The following DEPTOR variants were observed in gnomAD, a reference collection of about 807,000 sequenced individuals.
DEPTOR encodes DEP domain containing MTOR interacting protein, also known as DEP domain-containing mTOR-interacting protein.
DEPTOR carries 41 observed loss-of-function variants against 41.6 expected under a neutral mutation model. The observed-to-expected ratio is 0.98, with a 90% CI of 0.77 to 1.28. DEPTOR has a LOEUF of 1.28. Among genes scored for constraint, DEPTOR ranks in the 50% most tolerant of loss-of-function variants. The pLI, the probability that DEPTOR is intolerant of heterozygous loss-of-function variation, is 0.00. For missense variants in DEPTOR, 514 were observed against 527.9 expected (o/e 0.97, Z 0.26); for synonymous variants, 195 against 192.3 (o/e 1.01, Z -0.12).
In DEPTOR at chr8:120,002,982, C is replaced by A; in HGVS notation, c.796C>A (p.Pro266Thr). The A allele has an allele frequency of 6.4e-7, 1 of 1,564,832 alleles. No homozygotes were observed. Among genetic ancestry groups the A allele is most frequent in the Non-Finnish European group, 8.7e-7 (1 of 1,155,246 alleles). ...RKSTSFMSVS[P>T]SKEIKIVSAV... ...GTGTTCTCTGGCCTACACAGTGAGC[C>A]CCAGCAAGGAGATCAAGATCGTGTC... The change falls in exon 6 of 9, where the codon CCC (proline) becomes ACC (threonine). Residue 266 changes from proline (P) to threonine (T), a missense_variant. Coordinates refer to ENST00000286234, the MANE Select transcript of DEPTOR (RefSeq NM_022783.4).
At chr8:120,023,815 C>CTTTTTTTTTTGTTT (rs1812758860) in intron 8 of DEPTOR, among the ~76,000 whole-genome samples, 1 of 128,908 alleles carries the variant, frequency 7.8e-6, no homozygotes, top group African/African-American at 2.8e-5. Context: ...TTTTTTTTTA[C>CTTTTTTTTTTGTTT]TTTGCTTGGC....
chr8:119,976,858 G>A (rs986808151), intron 4 of DEPTOR, among the ~76,000 whole-genome samples: 27 of 151,990 alleles, frequency 1.8e-4, no homozygotes, highest in African/African-American at 5.6e-4. Flanking sequence ...CCCTCCCCCC[G>A]CACACCCTGC....
intron 1 of DEPTOR, among the ~76,000 whole-genome samples, chr8:119,919,634 C>T (rs1827865100): frequency 6.6e-6 from 1 of 152,132 alleles, no homozygotes; most frequent in Non-Finnish European, 1.5e-5. Flanking sequence ...TCCCCAAGGA[C>T]AGATATTGGC....
chr8:119,939,284 C>T (rs1163455528), intron 3 of DEPTOR, among the ~76,000 whole-genome samples: 2 of 152,180 alleles, frequency 1.3e-5, no homozygotes, highest in Non-Finnish European at 2.9e-5. Flanking sequence ...CAAGCTTGGT[C>T]TGCCGGGGAA....
At chr8:119,991,086 C>CTTTT (rs3029216) in intron 4 of DEPTOR, among the ~76,000 whole-genome samples, 1 of 107,472 alleles carries the variant, frequency 9.3e-6, no homozygotes, top group African/African-American at 3.7e-5. Flanking sequence ...TTCTTTCTTT[C>CTTTT]TTTTTCTTTC....
intron 4 of DEPTOR, among the ~76,000 whole-genome samples, chr8:119,970,769 G>T (rs1333285544): frequency 6.6e-6 from 1 of 152,130 alleles, no homozygotes; most frequent in Non-Finnish European, 1.5e-5. Context: ...AAGAGAAAAG[G>T]GCACATCGGG....
intron 3 of DEPTOR, among the ~76,000 whole-genome samples, chr8:119,935,618 G>A (rs755795883): frequency 1.4e-4 from 21 of 151,976 alleles, no homozygotes; most frequent in Non-Finnish European, 2.4e-4. Flanking sequence ...CTACTCAGGA[G>A]GCTGAGACAG....
At position 120,050,041 on chromosome 8, in the gene DEPTOR, T is replaced by C. The variant is rs191961721; in HGVS notation, c.*337T>C. On this transcript the variant is annotated 3_prime_UTR_variant, in exon 9 of 9. Transcript: ENST00000286234. ...TGCTTCTCTAGCCCAAACAGCGACA[T>C]GCTAAAGTCCCCTTCTTCAGAGTCA... 1,933 of 173,922 alleles carry C rather than the reference T, an allele frequency of 0.011. 28 individuals are homozygous for C. Among genetic ancestry groups the C allele is most frequent in the Non-Finnish European group, 0.015 (1,199 of 81,848 alleles). 10.8% of individuals were successfully genotyped at this position (173,922 alleles called of 1,614,324 possible). A position where few individuals can be genotyped will look rare whatever the true frequency, so the allele number is the denominator to read the frequency against.
In DEPTOR at chr8:119,965,398, A is replaced by G. The variant is rs763187149; in HGVS notation, c.592A>G (p.Ile198Val). 1 of 1,613,626 alleles carries G rather than the reference A, an allele frequency of 6.2e-7. No homozygotes were observed. Among genetic ancestry groups the G allele is most frequent in the Non-Finnish European group, 8.5e-7 (1 of 1,179,926 alleles). The change falls in exon 4 of 9, where the codon ATC becomes GTC. Residue 198 changes from isoleucine (I) to valine (V), a missense_variant. Transcript: ENST00000286234. ...QLCHRLMEHGIIQHVSNKHPF... is the reference protein window; with the variant it reads ...QLCHRLMEHGVIQHVSNKHPF... The stretch of plus-strand genomic sequence containing the variant: ...TTGCCACCGGCTTATGGAGCATGGC[A>G]TCATCCAGCATGGTGAGCGTATTGG...
intron 3 of DEPTOR, among the ~76,000 whole-genome samples, chr8:119,934,523 C>T (rs986096774): frequency 6.6e-6 from 1 of 152,166 alleles, no homozygotes; most frequent in Non-Finnish European, 1.5e-5. Flanking sequence ...AGCAGGCTGA[C>T]TAAATCTCTG....
intron 4 of DEPTOR, among the ~76,000 whole-genome samples, chr8:119,991,096 C>CTTTTTT (rs1362779700): frequency 2.5e-5 from 2 of 80,928 alleles, no homozygotes; most frequent in African/African-American, 4.9e-5. Context: ...CTTTTTCTTT[C>CTTTTTT]TTTCTTTCTT....
rs534913872 is a variant in DEPTOR, at chr8:119,915,322, T to G, written c.123-13078T>G. ...ATTTGATCTTTCTATATATTTTGTC[T>G]TTGTCTAAAATTGTCCCTGAGACTG... On this transcript the variant is annotated intron_variant, in intron 1 of 8. Coordinates refer to ENST00000286234, the MANE Select transcript of DEPTOR (RefSeq NM_022783.4). Among the ~76,000 whole-genome samples, 238 of 152,340 alleles carry G rather than the reference T, an allele frequency of 1.6e-3. 8 individuals carry two copies. In the South Asian group the frequency reaches 0.049, roughly 32 times the overall value.
chr8:119,882,092 C>T (rs541885689), intron 1 of DEPTOR, among the ~76,000 whole-genome samples: 8 of 152,120 alleles, frequency 5.3e-5, no homozygotes, highest in African/African-American at 1.4e-4. Flanking sequence ...GGTTTCTCCA[C>T]GTTGGCCAGG....
intron 1 of DEPTOR, among the ~76,000 whole-genome samples, chr8:119,924,981 AG>A (rs1267808467): frequency 6.6e-6 from 1 of 152,168 alleles, no homozygotes; most frequent in Non-Finnish European, 1.5e-5. Flanking sequence ...TAAAAGAGAG[AG>A]GTTTAATGGA....
intron 6 of DEPTOR, among the ~76,000 whole-genome samples, chr8:120,004,219 T>C (rs1405597612): frequency 6.6e-6 from 1 of 152,238 alleles, no homozygotes; most frequent in African/African-American, 2.4e-5. Flanking sequence ...AATGGTATTA[T>C]CTAGGAAGGT....
intron 4 of DEPTOR, among the ~76,000 whole-genome samples, chr8:119,985,384 C>T (rs566366867): frequency 3.6e-4 from 55 of 152,130 alleles, no homozygotes; most frequent in African/African-American, 1.2e-3. Flanking sequence ...ATATCCCTCA[C>T]CTACTTTTCA....
chr8:120,038,441 C>T (rs1269325434), intron 8 of DEPTOR, among the ~76,000 whole-genome samples: 1 of 150,992 alleles, frequency 6.6e-6, no homozygotes. Context: ...CTCTACAAAA[C>T]TTAGCTTGGC....
At chr8:119,995,614 A>G (rs1257053795) in intron 4 of DEPTOR, among the ~76,000 whole-genome samples, 2 of 151,942 alleles carry the variant, frequency 1.3e-5, no homozygotes, top group Admixed American at 6.6e-5. Context: ...AAAAGAAAAG[A>G]AAAAGAAATT....
intron 8 of DEPTOR, among the ~76,000 whole-genome samples, chr8:120,049,218 T>C: frequency 6.6e-6 from 1 of 152,174 alleles, no homozygotes; most frequent in East Asian, 1.9e-4. Flanking sequence ...AACAGTCTTA[T>C]AAGGTAGGTA....
Sources: allele counts gnomAD v4.1 joint callset (sites outside exome capture counted in the v4.1 genomes callset), GRCh38; gene constraint gnomAD v4.1.1; transcripts MANE v1.5; gene names NCBI Gene and HGNC (gene_info 2026-07-23, HGNC 2026-07-21).